Variants in KIF16B observed in about 807,000 individuals in gnomAD.
The protein encoded by KIF16B is kinesin-like protein KIF16B.
KIF16B carries 98 observed loss-of-function variants against 156.3 expected under a neutral mutation model. The observed-to-expected ratio is 0.63, with a 90% CI of 0.53 to 0.74. KIF16B has a LOEUF of 0.74. KIF16B is among the 30% of genes least tolerant of loss of function. The pLI is 0.00. For synonymous variants in KIF16B, 564 were observed against 583.7 expected (o/e 0.97, Z 0.49); for missense variants, 1,421 against 1,606.5 (o/e 0.88, Z 1.97).
chr20:16,478,847 C>T (rs1196243924), intron 12 of KIF16B, among the ~76,000 whole-genome samples: 2 of 152,194 alleles, frequency 1.3e-5, no homozygotes. Context: ...GGGCTCAGTA[C>T]TATCCAAGGA....
At chr20:16,521,329 C>A (rs1300038095) in intron 3 of KIF16B, among the ~76,000 whole-genome samples, 1 of 151,766 alleles carries the variant, frequency 6.6e-6, no homozygotes, top group Non-Finnish European at 1.5e-5. Flanking sequence ...ACATAAATGA[C>A]CTGATCGAGC....
chr20:16,509,612 G>A lies in KIF16B; in HGVS notation c.557-1512C>T, dbSNP rs186168832. On this transcript the variant is annotated intron_variant, in intron 6 of 25. Transcript: ENST00000354981. Reference sequence around the variant, plus strand: ...GCATTTAAAAATCATCTGTATTTCCGTTTCTACAAACAGCCTAGTCATACA... The same window carrying A: ...GCATTTAAAAATCATCTGTATTTCCATTTCTACAAACAGCCTAGTCATACA... Among the ~76,000 whole-genome samples the A allele has an allele frequency of 2.5e-4, 38 of 152,168 alleles. No homozygotes were observed. In the South Asian group the frequency reaches 5.8e-3, roughly 23 times the overall value.
At chr20:16,436,065 G>T (rs1418999002) in intron 12 of KIF16B, among the ~76,000 whole-genome samples, 4 of 151,774 alleles carry the variant, frequency 2.6e-5, no homozygotes. Flanking sequence ...CTTCTTTCTT[G>T]TTCTCTACCA....
At chr20:16,422,673 G>A (rs2146386669) in intron 15 of KIF16B, among the ~76,000 whole-genome samples, 1 of 152,106 alleles carries the variant, frequency 6.6e-6, no homozygotes, top group South Asian at 2.1e-4. Flanking sequence ...TAATGTGTTT[G>A]GAATTTGTAT....
intron 24 of KIF16B, among the ~76,000 whole-genome samples, chr20:16,330,723 T>C (rs1290439658): frequency 2.0e-5 from 3 of 152,142 alleles, no homozygotes; most frequent in Non-Finnish European, 2.9e-5. Flanking sequence ...ATAAGTTGCA[T>C]CTGGACAGGC....
intron 25 of KIF16B, among the ~76,000 whole-genome samples, chr20:16,282,000 T>C (rs2063153090): frequency 1.3e-5 from 2 of 151,646 alleles, no homozygotes; most frequent in Admixed American, 6.6e-5. Context: ...TTGGGCTAGG[T>C]GCTGGGCATT....
At chr20:16,570,814 C>T (rs1367864874) in intron 1 of KIF16B, among the ~76,000 whole-genome samples, 1 of 152,184 alleles carries the variant, frequency 6.6e-6, no homozygotes, top group African/African-American at 2.4e-5. Flanking sequence ...TTACGGACTG[C>T]AAGCCAATCT....
intron 15 of KIF16B, among the ~76,000 whole-genome samples, chr20:16,412,548 A>C (rs1022038462): frequency 1.3e-5 from 2 of 152,170 alleles, no homozygotes; most frequent in Non-Finnish European, 2.9e-5. Context: ...AAAACTTAAT[A>C]ATCAAGGTGG....
At chr20:16,337,210 A>C (rs559484327) in intron 23 of KIF16B, among the ~76,000 whole-genome samples, 2 of 152,300 alleles carry the variant, frequency 1.3e-5, no homozygotes, top group Admixed American at 1.3e-4. Flanking sequence ...CTTTATGGGA[A>C]CTTAACTTGC....
At chr20:16,433,978 G>T (rs1202718523) in intron 12 of KIF16B, among the ~76,000 whole-genome samples, 3 of 151,812 alleles carry the variant, frequency 2.0e-5, no homozygotes, top group African/African-American at 7.3e-5. Context: ...CAGACACAGG[G>T]TCCCAAAGAA....
chr20:16,379,501 A>T lies in KIF16B; in HGVS notation c.2501T>A (p.Val834Asp), dbSNP rs1052705901. The change falls in exon 19 of 26, where the codon GTC becomes GAC. Residue 834 changes from valine to aspartate, a missense_variant. By Grantham distance (152) the Val-to-Asp change is radical. Transcript: ENST00000354981. ...RFFEFKRRQL[V>D]KLVNLEKDLV... ...GTCCTTCTCCAAGTTCACTAGCTTG[A>T]CAAGCTGCCTTCTCTTGAATTCGAA... 1.9e-6 allele frequency: 3 copies of T among 1,613,998 alleles called. No homozygotes were observed. Among genetic ancestry groups the T allele is most frequent in the Non-Finnish European group, 1.7e-6 (2 of 1,180,038 alleles).
At chr20:16,352,362 T>C (rs181883592) in intron 23 of KIF16B, among the ~76,000 whole-genome samples, 4 of 152,350 alleles carry the variant, frequency 2.6e-5, no homozygotes, top group African/African-American at 9.6e-5. Context: ...AAGAGTTGTT[T>C]TTAATGCCCC....
chr20:16,432,712 C>T (rs774298718), intron 12 of KIF16B, among the ~76,000 whole-genome samples: 1 of 151,542 alleles, frequency 6.6e-6, no homozygotes, highest in African/African-American at 2.4e-5. Flanking sequence ...TGAAGTCATG[C>T]GAGAGGGCGG....
intron 12 of KIF16B, among the ~76,000 whole-genome samples, chr20:16,462,704 T>C (rs1465813714): frequency 6.6e-6 from 1 of 152,126 alleles, no homozygotes; most frequent in Non-Finnish European, 1.5e-5. Context: ...TTTCCCTTTT[T>C]ATTAAAAAGC....
At chr20:16,387,463 G>C (rs1462354511) in intron 17 of KIF16B, among the ~76,000 whole-genome samples, 1 of 152,156 alleles carries the variant, frequency 6.6e-6, no homozygotes, top group Non-Finnish European at 1.5e-5. Flanking sequence ...TCAAGTGCTG[G>C]AGATGAGGGA....
intron 1 of KIF16B, among the ~76,000 whole-genome samples, chr20:16,557,903 C>T (rs1382404223): frequency 6.6e-6 from 1 of 152,132 alleles, no homozygotes; most frequent in East Asian, 1.9e-4. Flanking sequence ...GAGCATAATC[C>T]AAGAACAAGA....
At chr20:16,451,459 C>T (rs1323396465) in intron 12 of KIF16B, among the ~76,000 whole-genome samples, 1 of 151,666 alleles carries the variant, frequency 6.6e-6, no homozygotes, top group Non-Finnish European at 1.5e-5. Context: ...AACAGCACTC[C>T]TAAGTAATTT....
At chr20:16,509,428 C>T (rs1247075933) in intron 6 of KIF16B, among the ~76,000 whole-genome samples, 1 of 152,156 alleles carries the variant, frequency 6.6e-6, no homozygotes, top group Non-Finnish European at 1.5e-5. Context: ...TTACACCCAG[C>T]AGTAGCAAGG....
chr20:16,419,124 T>C (rs1167529215), intron 15 of KIF16B, among the ~76,000 whole-genome samples: 1 of 152,160 alleles, frequency 6.6e-6, no homozygotes, highest in African/African-American at 2.4e-5. Flanking sequence ...AATGCTGATG[T>C]TGATGACATA....
Sources: gnomAD v4.1 joint callset for allele counts (sites outside exome capture counted in the v4.1 genomes callset) on GRCh38, gnomAD v4.1.1 for gene constraint, MANE v1.5 for transcripts, NCBI Gene and HGNC (gene_info 2026-07-23, HGNC 2026-07-21) for gene names.